The following ACMSD variants were observed in gnomAD, a reference collection of about 807,000 sequenced individuals.
ACMSD encodes the protein aminocarboxymuconate semialdehyde decarboxylase.
In ACMSD, 37 loss-of-function variants were observed where a neutral mutation model predicts 45.9. That is an observed-to-expected ratio of 0.81 (90% CI 0.62 to 1.06). ACMSD has a LOEUF of 1.06. Ranked by LOEUF, ACMSD falls within the 50% of genes least tolerant of loss-of-function variation. ACMSD has a pLI of 0.00. For synonymous variants in ACMSD, 138 were observed against 148.8 expected (o/e 0.93, Z 0.53); for missense variants, 434 against 420.9 (o/e 1.03, Z -0.27).
At chr2:134,871,682 G>GACACACACACACACACAC (rs1170611331) in intron 7 of ACMSD, among the ~76,000 whole-genome samples, 4 of 138,896 alleles carry the variant, frequency 2.9e-5, no homozygotes, top group African/African-American at 5.5e-5. Context: ...TCAACAGACA[G>GACACACACACACACACAC]ACACACACAC....
chr2:134,858,927 G>A (rs1376403075), intron 2 of ACMSD, among the ~76,000 whole-genome samples: 1 of 147,826 alleles, frequency 6.8e-6, no homozygotes, highest in Non-Finnish European at 1.5e-5. Flanking sequence ...TTTTCCAGAC[G>A]CTGGGCCATC....
At chr2:134,850,620 T>A (rs1687291842) in intron 2 of ACMSD, among the ~76,000 whole-genome samples, 1 of 151,950 alleles carries the variant, frequency 6.6e-6, no homozygotes, top group Non-Finnish European at 1.5e-5. Flanking sequence ...TGAAAGCCAT[T>A]TATCTTGTCC....
intron 8 of ACMSD, among the ~76,000 whole-genome samples, chr2:134,895,357 T>A (rs7606448): frequency 6.9e-6 from 1 of 145,044 alleles, no homozygotes; most frequent in African/African-American, 2.5e-5. Flanking sequence ...ATAACATATA[T>A]AATATATATA....
intron 2 of ACMSD, among the ~76,000 whole-genome samples, chr2:134,847,926 A>G (rs1341383026): frequency 1.3e-5 from 2 of 150,824 alleles, no homozygotes; most frequent in East Asian, 3.9e-4. Context: ...ATCCTGGCTC[A>G]CCGCAACCTC....
At chr2:134,840,500 G>C (rs1686758102) in intron 1 of ACMSD, among the ~76,000 whole-genome samples, 1 of 152,142 alleles carries the variant, frequency 6.6e-6, no homozygotes, top group Admixed American at 6.5e-5. Flanking sequence ...GCCTTCTGGA[G>C]GTGATTAGGT....
chr2:134,861,332 AGT>A (rs1384089403), intron 3 of ACMSD, among the ~76,000 whole-genome samples: 1 of 152,146 alleles, frequency 6.6e-6, no homozygotes, highest in Non-Finnish European at 1.5e-5. Context: ...CGGTAAACGA[AGT>A]GTGTGTGTCA....
At position 134,898,450 on chromosome 2, in the gene ACMSD, T is replaced by C; in HGVS notation, c.948+11T>C. ...GATGAAGAAACAAAGGTATAATGTC[T>C]TTTACTTCACGGCTTTCTTACTGAC... On this transcript the variant is annotated intron_variant, in intron 9 of 9. Transcript: ENST00000356140. 6.4e-7 allele frequency: 1 copy of C among 1,554,892 alleles called. No individual in the cohort carries two copies. Among genetic ancestry groups the C allele is most frequent in the Non-Finnish European group, 8.7e-7 (1 of 1,152,318 alleles).
chr2:134,863,704 G>T, intron 5 of ACMSD, 73 bp downstream of exon 5: 2 of 1,496,730 alleles, frequency 1.3e-6, no homozygotes, highest in Non-Finnish European at 1.8e-6. Flanking sequence ...GGTGCTGGCA[G>T]GGAGGAGGTG....
chr2:134,889,209 G>A (rs62168869), intron 8 of ACMSD, among the ~76,000 whole-genome samples: 76,390 of 151,848 alleles, frequency 0.5, 20,100 homozygotes, highest in Middle Eastern at 0.81. Flanking sequence ...TGCAGTGTTT[G>A]GATTGGAAAT....
intron 8 of ACMSD, among the ~76,000 whole-genome samples, chr2:134,875,868 G>A (rs953751962): frequency 1.3e-5 from 2 of 152,144 alleles, no homozygotes; most frequent in Admixed American, 6.5e-5. Flanking sequence ...GCAATGTTGT[G>A]GTTGTGCGAA....
Position 134,862,018 on chromosome 2 carries a change from G to A in ACMSD, c.249G>A (p.Trp83Ter), listed in dbSNP as rs762793455. ...CAGTTCCTGTCATGTTTAGCTACTGGGTGAGTGTGAAACCTCAAGCCATCT... is the reference window on the plus strand; with the variant it reads ...CAGTTCCTGTCATGTTTAGCTACTGAGTGAGTGTGAAACCTCAAGCCATCT... ...LSTVPVMFSY[W>*]AKPEDTLNLC... is the part of the protein sequence containing the mutation. The change falls in exon 4 of 10, where the codon TGG becomes TGA. Residue 83 changes from tryptophan to a stop codon, truncating the protein, a stop_gained and splice_region_variant. Coordinates refer to ENST00000356140, the MANE Select transcript of ACMSD (RefSeq NM_138326.3). LOFTEE classifies it high-confidence loss of function. 6.2e-7 allele frequency: 1 copy of A among 1,613,982 alleles called. No homozygotes were observed. The highest frequency in any genetic ancestry group is 8.5e-7 in the Non-Finnish European group (1 of 1,180,006).
chr2:134,852,991 C>T (rs1687414166), intron 2 of ACMSD, among the ~76,000 whole-genome samples: 1 of 151,676 alleles, frequency 6.6e-6, no homozygotes, highest in African/African-American at 2.4e-5. Context: ...GGTGAAACCC[C>T]GTCTCTACTA....
At chr2:134,847,973 TCC>T (rs1439506570) in intron 2 of ACMSD, among the ~76,000 whole-genome samples, 1 of 152,128 alleles carries the variant, frequency 6.6e-6, no homozygotes, top group African/African-American at 2.4e-5. Context: ...TGCCTCAGGC[TCC>T]TGAGTAGCTG....
chr2:134,885,306 AAT>A (rs1162504899), intron 8 of ACMSD, among the ~76,000 whole-genome samples: 2,958 of 75,354 alleles, frequency 0.039, 226 homozygotes, highest in East Asian at 0.36. Context: ...TATATATTTA[AAT>A]ATATATATAT....
chr2:134,897,879 GTTTTTGT>G (rs1215028561), intron 8 of ACMSD, among the ~76,000 whole-genome samples: 3 of 142,166 alleles, frequency 2.1e-5, no homozygotes, highest in Non-Finnish European at 1.5e-5. Context: ...TTTTGTTTTT[GTTTTTGT>G]TTTTTTTTTT....
chr2:134,885,153 G>A (rs1217506023), intron 8 of ACMSD, among the ~76,000 whole-genome samples: 1 of 144,922 alleles, frequency 6.9e-6, no homozygotes, highest in Non-Finnish European at 1.5e-5. Context: ...CGGAGATCAT[G>A]CCACCGCACT....
chr2:134,885,488 TAGTC>T (rs1362624193), intron 8 of ACMSD, among the ~76,000 whole-genome samples: 3 of 138,186 alleles, frequency 2.2e-5, no homozygotes, highest in Non-Finnish European at 3.0e-5. Context: ...CAGGTCTAGT[TAGTC>T]AGACTTCATC....
intron 1 of ACMSD, among the ~76,000 whole-genome samples, chr2:134,840,875 T>C (rs1686775736): frequency 6.6e-6 from 1 of 152,198 alleles, no homozygotes. Flanking sequence ...CCAAGCAGTA[T>C]ACACTGCACC....
At chr2:134,878,484 A>G (rs1394961000) in intron 8 of ACMSD, among the ~76,000 whole-genome samples, 1 of 152,032 alleles carries the variant, frequency 6.6e-6, no homozygotes, top group African/African-American at 2.4e-5. Context: ...ATGCCACCAC[A>G]GCTGGCTAAT....
Sources: gnomAD v4.1 joint callset for allele counts (sites outside exome capture counted in the v4.1 genomes callset) on GRCh38, gnomAD v4.1.1 for gene constraint, MANE v1.5 for transcripts, NCBI Gene and HGNC (gene_info 2026-07-23, HGNC 2026-07-21) for gene names.